RARB: variants seen among roughly 807,000 people sequenced by gnomAD.
RARB encodes HBV-activated protein.
A neutral mutation model predicts 51.9 loss-of-function variants in RARB; 17 were observed. The ratio of observed to expected loss-of-function variants is 0.33; its 90% CI spans 0.22 to 0.49. The LOEUF (loss-of-function observed/expected upper bound fraction) is 0.49, where lower values mean the gene tolerates loss of function less well. Among genes scored for constraint, RARB ranks in the 20% least tolerant of loss-of-function variants. RARB has a pLI of 0.99. For missense variants in RARB, 369 were observed against 550.8 expected (o/e 0.67, Z 3.30); for synonymous variants, 215 against 195.4 (o/e 1.10, Z -0.84).
Position 25,177,616 on chromosome 3 carries a change from G to T in RARB, c.178+3041G>T, listed in dbSNP as rs34051998. Among the ~76,000 whole-genome samples, 12 of 152,298 alleles carry T rather than the reference G, an allele frequency of 7.9e-5. No homozygotes were observed. In the South Asian group the frequency reaches 2.3e-3, roughly 29 times the overall value. On this transcript the variant is annotated intron_variant, in intron 5 of 11. Transcript: ENST00000383772. The stretch of plus-strand genomic sequence containing the variant: ...GGCTCAATAATTCTCTACCTCAAAA[G>T]CAAGTAAGAACAATTTCCATAGCAG...
chr3:25,287,964 T>C (rs1703696232), intron 5 of RARB, among the ~76,000 whole-genome samples: 1 of 151,506 alleles, frequency 6.6e-6, no homozygotes, highest in African/African-American at 2.4e-5. Flanking sequence ...AGGGGAGGAG[T>C]GGAAGAAACT....
rs946689060 is a variant in RARB, at chr3:24,861,464, T to A, written c.-380+2712T>A. Among the ~76,000 whole-genome samples the A allele has an allele frequency of 2.6e-4, 40 of 152,034 alleles. 1 individual carries two copies. Among genetic ancestry groups the A allele is most frequent in the African/African-American group, 9.6e-4 (40 of 41,466 alleles). On this transcript the variant is annotated intron_variant, in intron 2 of 11. Transcript: ENST00000383772. ...ACACTTTCATATTCCTAGAAAAAAATAATCAAGGACCTCAAAGATCTATGT... is the reference window on the plus strand; with the variant it reads ...ACACTTTCATATTCCTAGAAAAAAAAAATCAAGGACCTCAAAGATCTATGT...
chr3:25,190,304 C>CA (rs1477399154), intron 5 of RARB, among the ~76,000 whole-genome samples: 1 of 151,990 alleles, frequency 6.6e-6, no homozygotes, highest in Non-Finnish European at 1.5e-5. Flanking sequence ...ATACCCCAGG[C>CA]AGATACACGC....
At chr3:24,868,413 T>C (rs905080916) in intron 2 of RARB, among the ~76,000 whole-genome samples, 3 of 152,180 alleles carry the variant, frequency 2.0e-5, no homozygotes, top group African/African-American at 7.2e-5. Context: ...ATATTAACTC[T>C]GTCGTGGCTA....
intron 3 of RARB, among the ~76,000 whole-genome samples, chr3:25,502,982 A>AT (rs1311810612): frequency 1.3e-5 from 2 of 152,340 alleles, no homozygotes; most frequent in South Asian, 2.1e-4. Flanking sequence ...TCTTGTTAAT[A>AT]TTTAGAGTCC....
At chr3:25,551,420 A>G (rs1699848480) in intron 3 of RARB, among the ~76,000 whole-genome samples, 1 of 152,218 alleles carries the variant, frequency 6.6e-6, no homozygotes, top group Non-Finnish European at 1.5e-5. Context: ...CCTGGTAGAT[A>G]TACTGGATAA....
Position 25,091,356 on chromosome 3 carries a change from T to C in RARB, c.-328+31180T>C, listed in dbSNP as rs976996272. On this transcript the variant is annotated intron_variant, in intron 3 of 11. Coordinates refer to the RARB transcript ENST00000383772. ...GGATTTTATGATTTCCTTAGGAAAA[T>C]GAATTCTCAAGCTACTGCCCTCTTT... is the stretch of plus-strand genomic sequence containing the variant. Among the ~76,000 whole-genome samples the C allele has an allele frequency of 5.3e-5, 8 of 152,212 alleles. No homozygotes were observed. In the Middle Eastern group the frequency reaches 0.017, roughly 324 times the overall value.
chr3:25,309,129 ATTTTTT>A (rs1171133293), intron 5 of RARB, among the ~76,000 whole-genome samples: 2 of 93,008 alleles, frequency 2.2e-5, no homozygotes, highest in Non-Finnish European at 4.1e-5. Context: ...CTGTGCCTCC[ATTTTTT>A]TTTTTTTTTT....
At chr3:25,241,284 AT>A (rs1418848596) in intron 5 of RARB, among the ~76,000 whole-genome samples, 1 of 152,022 alleles carries the variant, frequency 6.6e-6, no homozygotes, top group East Asian at 1.9e-4. Context: ...TATGATTTTG[AT>A]TTTTAAAAGT....
intron 2 of RARB, among the ~76,000 whole-genome samples, chr3:25,494,363 A>G (rs765308991): frequency 6.6e-6 from 1 of 151,648 alleles, no homozygotes; most frequent in African/African-American, 2.4e-5. Context: ...CTTACCCATA[A>G]TATTCTTGGG....
chr3:25,147,894 T>G (rs1431784778), intron 4 of RARB, among the ~76,000 whole-genome samples: 2 of 152,246 alleles, frequency 1.3e-5, no homozygotes, highest in Non-Finnish European at 2.9e-5. Context: ...ATTGTCTCCC[T>G]CTTCTTCCTA....
intron 3 of RARB, among the ~76,000 whole-genome samples, chr3:25,544,643 T>G (rs369997751): frequency 9.8e-5 from 15 of 152,318 alleles, no homozygotes; most frequent in African/African-American, 3.6e-4. Context: ...ACAGGCAGAC[T>G]TGTCTGGCTC....
intron 5 of RARB, among the ~76,000 whole-genome samples, chr3:25,312,058 A>C (rs1386798736): frequency 6.6e-6 from 1 of 152,184 alleles, no homozygotes; most frequent in African/African-American, 2.4e-5. Context: ...TTTGGGGGAG[A>C]TGAGTTGTTT....
intron 1 of RARB, among the ~76,000 whole-genome samples, chr3:25,459,748 T>A (rs527417853): frequency 6.6e-6 from 1 of 152,352 alleles, no homozygotes; most frequent in South Asian, 2.1e-4. Context: ...GTCAGGAGAA[T>A]ATCTACTCTG....
chr3:24,870,995 T>A (rs909204470), intron 2 of RARB, among the ~76,000 whole-genome samples: 33 of 152,136 alleles, frequency 2.2e-4, no homozygotes, highest in African/African-American at 8.0e-4. Flanking sequence ...TCTAACTATA[T>A]TTTTGAACCT....
Position 25,080,720 on chromosome 3 carries a change from A to G in RARB, c.-328+20544A>G, listed in dbSNP as rs1442185821. 2.6e-5 allele frequency among the ~76,000 whole-genome samples: 4 copies of G among 152,114 alleles called. No homozygotes were observed. The East Asian group carries it at 7.7e-4, about 29-fold the overall frequency. ...TCATTTTTTTACATTCTTTGGAGAA[A>G]TCTATATTTAAGCCACTTGCCTATT... On this transcript the variant is annotated intron_variant, in intron 3 of 11. Coordinates refer to the RARB transcript ENST00000383772.
At chr3:25,058,299 T>C (rs1416887218) in intron 2 of RARB, among the ~76,000 whole-genome samples, 1 of 151,874 alleles carries the variant, frequency 6.6e-6, no homozygotes, top group Non-Finnish European at 1.5e-5. Flanking sequence ...ATGCTTTGCT[T>C]TTGTGTGGTT....
chr3:25,016,571 T>G (rs1311336742), intron 2 of RARB, among the ~76,000 whole-genome samples: 1 of 152,200 alleles, frequency 6.6e-6, no homozygotes, highest in East Asian at 1.9e-4. Context: ...CACTTGTGAT[T>G]TGCAGTTTAG....
intron 3 of RARB, among the ~76,000 whole-genome samples, chr3:25,088,292 AAACTT>A (rs1300738283): frequency 6.6e-6 from 1 of 152,140 alleles, no homozygotes; most frequent in Non-Finnish European, 1.5e-5. Flanking sequence ...TAAATCAACT[AAACTT>A]TAGAGTGATA....
Sources: allele counts gnomAD v4.1 joint callset (sites outside exome capture counted in the v4.1 genomes callset), GRCh38; gene constraint gnomAD v4.1.1; transcripts MANE v1.5; gene names NCBI Gene and HGNC (gene_info 2026-07-23, HGNC 2026-07-21).